Variants in TRIM29 observed in about 807,000 individuals in gnomAD.
TRIM29 encodes the protein tripartite motif containing 29.
In TRIM29, 52 loss-of-function variants were observed where a neutral mutation model predicts 57.3. That is an observed-to-expected ratio of 0.91 (90% CI 0.73 to 1.14). TRIM29 has a LOEUF of 1.14. Among genes scored for constraint, TRIM29 ranks in the 50% most tolerant of loss-of-function variants. The pLI, the probability that TRIM29 is intolerant of heterozygous loss-of-function variation, is 0.00. For missense variants in TRIM29, 753 were observed against 774.6 expected, an observed-to-expected ratio of 0.97 and a Z score of 0.33; for synonymous variants, 319 against 316.9, an observed-to-expected ratio of 1.01 and a Z score of -0.07.
intron 3 of TRIM29, 63 bp from the exon 4 acceptor site, chr11:120,125,952 T>G: frequency 6.5e-7 from 1 of 1,535,856 alleles, no homozygotes; most frequent in South Asian, 1.2e-5. Flanking sequence ...GACGCTTCTC[T>G]GCCAGGGGCT....
rs536049240 is a variant in TRIM29, at chr11:120,119,231, G to A, written c.1529-910C>T. 7.4e-4 allele frequency among the ~76,000 whole-genome samples: 112 copies of A among 152,274 alleles called. 1 individual carries two copies. The highest frequency in any genetic ancestry group is 1.2e-3 in the Non-Finnish European group (82 of 68,022). ...GCACTCAGAGGGCACTGGAGTGGGG[G>A]GCTCAGAGTCCCCATGGGTGACGCA... On this transcript the variant is annotated intron_variant, in intron 6 of 8. Coordinates refer to ENST00000341846, the MANE Select transcript of TRIM29 (RefSeq NM_012101.4).
chr11:120,134,140 C>CATG (rs1234445404), intron 1 of TRIM29, among the ~76,000 whole-genome samples: 2 of 152,260 alleles, frequency 1.3e-5, no homozygotes, highest in African/African-American at 4.8e-5. Context: ...TGTATGAGGC[C>CATG]TATTGTGACA....
At chr11:120,132,719 T>C (rs1378545344) in intron 1 of TRIM29, among the ~76,000 whole-genome samples, 1 of 152,202 alleles carries the variant, frequency 6.6e-6, no homozygotes, top group Admixed American at 6.5e-5. Context: ...GGCTGTGACA[T>C]TTGCCAAATG....
intron 7 of TRIM29, chr11:120,116,917 C>A: frequency 2.7e-6 from 1 of 372,488 alleles, no homozygotes; most frequent in South Asian, 2.0e-5. Flanking sequence ...ACCTGCCCCG[C>A]TGTGGGAGAG....
At position 120,125,549 on chromosome 11, in the gene TRIM29, C is replaced by A; in HGVS notation, c.1333+142G>T. 6 of 819,692 alleles carry A rather than the reference C, an allele frequency of 7.3e-6. No homozygotes were observed. In the East Asian group the frequency reaches 8.4e-5, roughly 12 times the overall value. 50.8% of individuals were successfully genotyped at this position (819,692 alleles called of 1,614,324 possible). A position where few individuals can be genotyped will look rare whatever the true frequency, so the allele number is the denominator to read the frequency against. Reference sequence around the variant, plus strand: ...GGGTTAGAATCCCTGTATCCTAGTCCAAACGGCCTGAGGAAGGGTGGGTGG... The same window carrying A: ...GGGTTAGAATCCCTGTATCCTAGTCAAAACGGCCTGAGGAAGGGTGGGTGG... On this transcript the variant is annotated intron_variant, in intron 4 of 8. Coordinates refer to ENST00000341846, the MANE Select transcript of TRIM29 (RefSeq NM_012101.4).
intron 1 of TRIM29, among the ~76,000 whole-genome samples, chr11:120,130,316 C>A (rs1446253090): frequency 6.6e-6 from 1 of 152,196 alleles, no homozygotes; most frequent in Non-Finnish European, 1.5e-5. Context: ...AACCTCCTGA[C>A]CCAGCTCAGT....
chr11:120,125,307 C>T (rs1277303915), intron 4 of TRIM29: 1 of 256,764 alleles, frequency 3.9e-6, no homozygotes, highest in African/African-American at 2.2e-5. Flanking sequence ...TCTGCAAAGC[C>T]ACCAGTTTGG....
At position 120,137,736 on chromosome 11, in the gene TRIM29, A is replaced by C. The variant is rs748997606; in HGVS notation, c.296T>G (p.Met99Arg). Reference sequence around the variant, plus strand: ...TGCGTACGGCGACCTCTTGCCTTCCATAGAGTCCATGCTGAAGTAGTTGGA... The same window carrying C: ...TGCGTACGGCGACCTCTTGCCTTCCCTAGAGTCCATGCTGAAGTAGTTGGA... ...KNSNYFSMDS[M>R]EGKRSPYAGL... is the part of the protein sequence containing the mutation. Residue 99 changes from methionine to arginine, a missense_variant, in exon 1 of 9, where the codon ATG becomes AGG. Coordinates refer to ENST00000341846, the MANE Select transcript of TRIM29 (RefSeq NM_012101.4). The surrounding 1 kb of genome is among the most constrained non-coding windows in gnomAD (Gnocchi z 6.2). 1 of 1,612,446 alleles carries C rather than the reference A, an allele frequency of 6.2e-7. No homozygotes were observed. Among genetic ancestry groups the C allele is most frequent in the East Asian group, 2.2e-5 (1 of 44,830 alleles).
chr11:120,113,525 T>TCA (rs1739933157), intron 8 of TRIM29: 5 of 422,640 alleles, frequency 1.2e-5, no homozygotes, highest in South Asian at 3.4e-5. Context: ...CATTTGCCCC[T>TCA]CACACACACA....
intron 4 of TRIM29, chr11:120,125,400 C>A: frequency 1.4e-5 from 6 of 443,192 alleles, no homozygotes; most frequent in East Asian, 4.0e-5. Flanking sequence ...CGAAACCAGT[C>A]TCTGAGTTTG....
intron 5 of TRIM29, 45 bp downstream of exon 5, chr11:120,122,909 G>T (rs745483912): frequency 5.7e-6 from 9 of 1,567,674 alleles, no homozygotes; most frequent in Non-Finnish European, 7.9e-6. Context: ...GGGCCCCTGG[G>T]CAGCAGGAGA....
At position 120,123,028 on chromosome 11, in the gene TRIM29, T is replaced by G; in HGVS notation, c.1361A>C (p.Tyr454Ser). The G allele has an allele frequency of 6.2e-7, 1 of 1,614,052 alleles. No homozygotes were observed. Among genetic ancestry groups the G allele is most frequent in the South Asian group, 1.1e-5 (1 of 91,068 alleles). Residue 454 changes from tyrosine (Y) to serine (S), a missense_variant, in exon 5 of 9, where the codon TAC becomes TCC. Tyr to Ser is a moderately radical substitution (Grantham distance 144). Transcript: ENST00000341846. ...CCACTCACCCCCGAAGCTGTTCGTG[T>G]AGTTGTTCACATAGCGATGGTCACC... ...NGGDHRYVNN[Y>S]TNSFGGEWSA...
chr11:120,123,025 G>C lies in TRIM29; in HGVS notation c.1364C>G (p.Thr455Arg). 1 of 1,614,122 alleles carries C rather than the reference G, an allele frequency of 6.2e-7. No homozygotes were observed. The highest frequency in any genetic ancestry group is 8.5e-7 in the Non-Finnish European group (1 of 1,180,006). The change falls in exon 5 of 9, where the codon ACG becomes AGG. Residue 455 changes from threonine (T) to arginine (R), a missense_variant. Coordinates refer to ENST00000341846, the MANE Select transcript of TRIM29 (RefSeq NM_012101.4). ...ACTCCACTCACCCCCGAAGCTGTTC[G>C]TGTAGTTGTTCACATAGCGATGGTC... ...GGDHRYVNNY[T>R]NSFGGEWSAP...
rs1393060171 is a variant in TRIM29 at position 120,112,281 on chromosome 11, G to A, written c.*133C>T. On this transcript the variant is annotated 3_prime_UTR_variant, in exon 9 of 9. Transcript: ENST00000341846. ...GGCCGGAACTGCCCCCAAGAGGCTGGCAGAGGGCTGCAGAGGGCAGGTGCA... is the reference window on the plus strand; with the variant it reads ...GGCCGGAACTGCCCCCAAGAGGCTGACAGAGGGCTGCAGAGGGCAGGTGCA... 2 of 1,029,714 alleles carry A rather than the reference G, an allele frequency of 1.9e-6. No individual in the cohort carries two copies. The highest frequency in any genetic ancestry group is 2.9e-6 in the Non-Finnish European group (2 of 699,784). The allele number at this position is 1,029,714 out of a possible 1,614,324, so 63.8% of individuals were successfully genotyped here. A position where few individuals can be genotyped will look rare whatever the true frequency, so the allele number is the denominator to read the frequency against.
chr11:120,114,596 G>A (rs1041974718), intron 8 of TRIM29, among the ~76,000 whole-genome samples: 10 of 152,224 alleles, frequency 6.6e-5, no homozygotes, highest in Admixed American at 2.6e-4. Flanking sequence ...CAGGAGCAAG[G>A]CATTCAGGCA....
intron 7 of TRIM29, 37 bp from the exon 8 acceptor site, chr11:120,115,451 G>A (rs756661530): frequency 2.6e-5 from 41 of 1,592,736 alleles, no homozygotes; most frequent in African/African-American, 8.1e-5. Context: ...AGGGAGCAGC[G>A]CTGGTGGTCA....
rs545573418 is a variant in TRIM29, at chr11:120,130,103, G to A, written c.805-1608C>T. 3.9e-5 allele frequency among the ~76,000 whole-genome samples: 6 copies of A among 152,230 alleles called. No individual in the cohort carries two copies. In the East Asian group the frequency reaches 7.8e-4, roughly 20 times the overall value. On this transcript the variant is annotated intron_variant, in intron 1 of 8. Transcript: ENST00000341846. Reference sequence around the variant, plus strand: ...AAACTCGACCCTCACACTCTCTGACGATGCAGAGCCCAAGAGCCCAGGAAA... The same window carrying A: ...AAACTCGACCCTCACACTCTCTGACAATGCAGAGCCCAAGAGCCCAGGAAA...
At position 120,137,219 on chromosome 11, in the gene TRIM29, A is replaced by G; in HGVS notation, c.804+9T>C. 6.2e-7 allele frequency: 1 copy of G among 1,613,398 alleles called. No individual in the cohort carries two copies. On this transcript the variant is annotated intron_variant, in intron 1 of 8. Transcript: ENST00000341846. This position sits in a 1 kb window ranked among gnomAD's most constrained non-coding sequence, Gnocchi z 6.2. ...GGCCTGGAGGGGCAGGAGGGGCCCC[A>G]GCACTTACCTCCTTCTCGGCCTTGG...
Position 120,137,220 on chromosome 11 carries a change from G to C in TRIM29, c.804+8C>G, listed in dbSNP as rs375120941. On this transcript the variant is annotated splice_region_variant and intron_variant, in intron 1 of 8. Transcript: ENST00000341846. The surrounding 1 kb of genome is among the most constrained non-coding windows in gnomAD (Gnocchi z 6.2). ...GCCTGGAGGGGCAGGAGGGGCCCCAGCACTTACCTCCTTCTCGGCCTTGGC... is the reference window on the plus strand; with the variant it reads ...GCCTGGAGGGGCAGGAGGGGCCCCACCACTTACCTCCTTCTCGGCCTTGGC... 6.2e-7 allele frequency: 1 copy of C among 1,613,366 alleles called. No homozygotes were observed. Among genetic ancestry groups the C allele is most frequent in the Non-Finnish European group, 8.5e-7 (1 of 1,179,768 alleles).
Sources: gnomAD v4.1 joint callset for allele counts (sites outside exome capture counted in the v4.1 genomes callset) on GRCh38, gnomAD v4.1.1 for gene constraint, Gnocchi (gnomAD v3.1) non-coding constraint, MANE v1.5 for transcripts, NCBI Gene and HGNC (gene_info 2026-07-23, HGNC 2026-07-21) for gene names.